The following GFRA2 variants were observed in gnomAD, a reference collection of about 807,000 sequenced individuals.
The protein encoded by GFRA2 is GDNF family receptor alpha-2.
Under a neutral mutation model 48.3 loss-of-function variants are expected in GFRA2, and 17 were observed. The ratio of observed to expected loss-of-function variants is 0.35; its 90% confidence interval spans 0.24 to 0.53. The LOEUF is 0.53. Among genes scored for constraint, GFRA2 ranks in the 20% least tolerant of loss-of-function variants. GFRA2 has a pLI of 0.93. For missense variants in GFRA2, 660 were observed against 637.3 expected (o/e 1.04, Z -0.38); for synonymous variants, 305 against 257.2 (o/e 1.19, Z -1.78).
At chr8:21,729,491 G>A (rs1035156627) in intron 4 of GFRA2, among the ~76,000 whole-genome samples, 5 of 152,124 alleles carry the variant, frequency 3.3e-5, no homozygotes, top group African/African-American at 1.2e-4. Context: ...AGCTGGGCCT[G>A]GGAGACGCCC....
intron 8 of GFRA2, among the ~76,000 whole-genome samples, chr8:21,694,092 T>TATATATATATATATATATATATTTA (rs1221616880): frequency 7.2e-6 from 1 of 138,674 alleles, no homozygotes; most frequent in African/African-American, 2.6e-5. Context: ...TATATATATA[T>TATATATATATATATATATATATTTA]TTCCTATAGT....
At chr8:21,774,475 G>C (rs1207634592) in intron 3 of GFRA2, among the ~76,000 whole-genome samples, 1 of 152,184 alleles carries the variant, frequency 6.6e-6, no homozygotes, top group Non-Finnish European at 1.5e-5. Flanking sequence ...TATAGGACCA[G>C]TAATAACAAG....
At chr8:21,706,093 C>T in intron 4 of GFRA2, 52 bp from the exon 5 acceptor site, 1 of 1,151,078 alleles carries the variant, frequency 8.7e-7, no homozygotes, top group Non-Finnish European at 1.3e-6. Context: ...AGTCTAGCTG[C>T]CTTCTGTCTC....
intron 3 of GFRA2, among the ~76,000 whole-genome samples, chr8:21,774,141 G>A (rs1806571253): frequency 1.3e-5 from 2 of 151,958 alleles, no homozygotes; most frequent in African/African-American, 4.8e-5. Context: ...ATCCCCTAGA[G>A]GAGCTCACCC....
chr8:21,805,946 G>C (rs138432473), intron 1 of GFRA2, among the ~76,000 whole-genome samples: 2,116 of 152,344 alleles, frequency 0.014, 51 homozygotes, highest in African/African-American at 0.043. Context: ...TTGAGCCCCA[G>C]AGGGTGGCAG....
intron 7 of GFRA2, among the ~76,000 whole-genome samples, chr8:21,695,594 G>A (rs1489045241): frequency 6.6e-6 from 1 of 152,074 alleles, no homozygotes; most frequent in Admixed American, 6.5e-5. Context: ...AACCAGGAGT[G>A]TCCCCAGGTG....
intron 4 of GFRA2, among the ~76,000 whole-genome samples, chr8:21,707,236 C>T (rs1457039487): frequency 2.6e-5 from 4 of 152,196 alleles, no homozygotes; most frequent in African/African-American, 4.8e-5. Context: ...ACCCAAATCC[C>T]TTGACCACAT....
At chr8:21,811,961 C>T (rs768867101) in intron 1 of GFRA2, among the ~76,000 whole-genome samples, 25 of 152,184 alleles carry the variant, frequency 1.6e-4, no homozygotes, top group Non-Finnish European at 1.9e-4. Context: ...CCTTTGATTA[C>T]TTCACCAACA....
intron 1 of GFRA2, among the ~76,000 whole-genome samples, chr8:21,810,824 C>T (rs1807964594): frequency 6.6e-6 from 1 of 152,142 alleles, no homozygotes; most frequent in African/African-American, 2.4e-5. Context: ...TCCTGGGAAC[C>T]AGACTTGGTG....
At chr8:21,731,479 AT>A (rs538725732) in intron 4 of GFRA2, among the ~76,000 whole-genome samples, 23 of 150,240 alleles carry the variant, frequency 1.5e-4, no homozygotes, top group Middle Eastern at 3.5e-3. Context: ...ATCTTAAAAT[AT>A]TTTTTTTTTA....
intron 3 of GFRA2, among the ~76,000 whole-genome samples, chr8:21,772,681 G>A (rs1337908346): frequency 6.6e-6 from 1 of 152,220 alleles, no homozygotes. Flanking sequence ...CCCAGAGTTT[G>A]CGTGGGGCCC....
chr8:21,789,239 TC>T, upstream of GFRA2: 1 of 153,000 alleles, frequency 6.5e-6, no homozygotes. Context: ...ACTGACTGGC[TC>T]CCCCGGCTAC....
chr8:21,722,203 C>G (rs758203427), intron 4 of GFRA2, among the ~76,000 whole-genome samples: 1 of 152,146 alleles, frequency 6.6e-6, no homozygotes, highest in Non-Finnish European at 1.5e-5. Context: ...CCCTCTGTGC[C>G]CTTCCTCCTA....
intron 4 of GFRA2, among the ~76,000 whole-genome samples, chr8:21,706,735 G>A (rs530543398): frequency 1.6e-4 from 24 of 152,220 alleles, no homozygotes; most frequent in Admixed American, 1.3e-4. Context: ...TGTCAGCATC[G>A]ATGACACTGC....
intron 1 of GFRA2, among the ~76,000 whole-genome samples, chr8:21,785,541 C>G (rs770905530): frequency 6.6e-6 from 1 of 152,196 alleles, no homozygotes; most frequent in Non-Finnish European, 1.5e-5. Context: ...CATCAAGACA[C>G]AGGGAGTAGC....
intron 1 of GFRA2, among the ~76,000 whole-genome samples, chr8:21,809,740 A>G (rs955560429): frequency 6.5e-4 from 99 of 152,276 alleles, no homozygotes; most frequent in African/African-American, 2.2e-3. Context: ...CTGGCTGCCA[A>G]TGGCTCTTGA....
At chr8:21,759,495 AAGGAAGGAAGGAAGGAAGGAAGGAAG>A in intron 3 of GFRA2, among the ~76,000 whole-genome samples, 1 of 124,460 alleles carries the variant, frequency 8.0e-6, no homozygotes, top group East Asian at 2.5e-4. Flanking sequence ...AGAAGGAAGG[AAGGAAGGAAGGAAGGAAGGAAGGAAG>A]GAAGGAAGGA....
chr8:21,782,265 C>T (rs1807028594), intron 2 of GFRA2, among the ~76,000 whole-genome samples: 1 of 151,328 alleles, frequency 6.6e-6, no homozygotes, highest in South Asian at 2.1e-4. Context: ...CTTGCTCCTA[C>T]CCAACCCCTG....
intron 4 of GFRA2, among the ~76,000 whole-genome samples, chr8:21,739,087 A>G (rs1424563456): frequency 6.6e-6 from 1 of 152,220 alleles, no homozygotes; most frequent in Non-Finnish European, 1.5e-5. Flanking sequence ...GATGGAGGGA[A>G]GAAGGGTCAC....
Sources: gnomAD v4.1 joint callset for allele counts (sites outside exome capture counted in the v4.1 genomes callset) on GRCh38, gnomAD v4.1.1 for gene constraint, MANE v1.5 for transcripts, NCBI Gene and HGNC (gene_info 2026-07-23, HGNC 2026-07-21) for gene names.